ZNF385A: variants seen among roughly 807,000 people sequenced by gnomAD.
ZNF385A encodes zinc finger protein 385A.
ZNF385A carries 14 observed loss-of-function variants against 32.1 expected under a neutral mutation model. The ratio of observed to expected loss-of-function variants is 0.44; its 90% CI spans 0.29 to 0.68. The LOEUF (loss-of-function observed/expected upper bound fraction) is 0.68, where lower values mean the gene tolerates loss of function less well. Among genes scored for constraint, ZNF385A ranks in the 30% least tolerant of loss-of-function variants. The probability of loss-of-function intolerance (pLI) is 0.14; values close to 1 mark genes in which losing one functional copy is unlikely to be tolerated. For missense variants in ZNF385A, 406 were observed against 478.4 expected, an observed-to-expected ratio of 0.85 and a Z score of 1.41; for synonymous variants, 197 against 202.7, an observed-to-expected ratio of 0.97 and a Z score of 0.24.
chr12:54,389,002 G>T (rs1184062039), upstream of ZNF385A, among the ~76,000 whole-genome samples: 6 of 152,154 alleles, frequency 3.9e-5, no homozygotes, highest in African/African-American at 9.7e-5. Flanking sequence ...TGTGGGCGGG[G>T]ACTGGGCCTA....
chr12:54,382,128 C>T lies in ZNF385A; in HGVS notation c.87+2300G>A, dbSNP rs145786305. Among the ~76,000 whole-genome samples the T allele has an allele frequency of 9.8e-3, 1,473 of 150,112 alleles. 21 individuals carry two copies. The highest frequency in any genetic ancestry group is 0.034 in the African/African-American group (1,367 of 40,736). ...TGTTGCCCAGGCTGGAGTGCAGTGG[C>T]GCAATCTCGGCTCACTGCAACCTCT... On this transcript the variant is annotated intron_variant, in intron 1 of 6. Transcript: ENST00000394313.
upstream of ZNF385A, among the ~76,000 whole-genome samples, chr12:54,386,768 C>T (rs773674167): frequency 6.6e-5 from 10 of 152,294 alleles, no homozygotes; most frequent in Non-Finnish European, 1.5e-4. Context: ...CTCCTCAAAG[C>T]CATCTTAAGA....
chr12:54,375,806 C>A (rs1954818749), intron 2 of ZNF385A, 38 bp downstream of exon 2: 2 of 1,579,662 alleles, frequency 1.3e-6, no homozygotes, highest in Non-Finnish European at 1.7e-6. Flanking sequence ...GCTGCCCCTG[C>A]CCCACCCACT....
At position 54,370,163 on chromosome 12, in the gene ZNF385A, A is replaced by G; in HGVS notation, c.*93T>C. 1.1e-6 allele frequency: 1 copy of G among 872,382 alleles called. No homozygotes were observed. Among genetic ancestry groups the G allele is most frequent in the Non-Finnish European group, 1.7e-6 (1 of 605,108 alleles). 54.0% of individuals were successfully genotyped at this position (872,382 alleles called of 1,614,324 possible). A position where few individuals can be genotyped will look rare whatever the true frequency, so the allele number is the denominator to read the frequency against. ...GGGGGGGGGGAAGGAGAGATCATTTAGGGAGTGCCGGGAGGAGGGGCGGGC... is the reference window on the plus strand; with the variant it reads ...GGGGGGGGGGAAGGAGAGATCATTTGGGGAGTGCCGGGAGGAGGGGCGGGC... On this transcript the variant is annotated 3_prime_UTR_variant, in exon 7 of 7. Transcript: ENST00000394313. The surrounding 1 kb of genome is among the most constrained non-coding windows in gnomAD (Gnocchi z 5.5).
At chr12:54,387,401 A>G (rs2137312450), upstream of ZNF385A, among the ~76,000 whole-genome samples, 1 of 152,298 alleles carries the variant, frequency 6.6e-6, no homozygotes, top group Non-Finnish European at 1.5e-5. Context: ...CTCCATTCTG[A>G]GGTGGCGAGA....
intron 1 of ZNF385A, among the ~76,000 whole-genome samples, chr12:54,376,943 C>T (rs183109246): frequency 1.3e-5 from 2 of 152,296 alleles, no homozygotes; most frequent in East Asian, 1.9e-4. Context: ...TGGCTGGGCT[C>T]TCTCATAAGA....
chr12:54,377,102 CAAG>C (rs1221432128), intron 1 of ZNF385A, among the ~76,000 whole-genome samples: 4 of 152,164 alleles, frequency 2.6e-5, no homozygotes, highest in African/African-American at 9.7e-5. Context: ...GGTGAGAGAA[CAAG>C]AAGTGGGGGA....
At chr12:54,386,217 C>T (rs540269736), upstream of ZNF385A, among the ~76,000 whole-genome samples, 2,095 of 142,474 alleles carry the variant, frequency 0.015, 57 homozygotes, top group African/African-American at 0.053. Flanking sequence ...CACAGAGAGA[C>T]GGACAGATGA....
At chr12:54,375,153 C>A (rs1954774967) in intron 2 of ZNF385A, among the ~76,000 whole-genome samples, 1 of 152,036 alleles carries the variant, frequency 6.6e-6, no homozygotes, top group Admixed American at 6.6e-5. Context: ...CGAGGCTCTG[C>A]TGTTTTTCTC....
chr12:54,391,228 C>G lies in ZNF385A; in HGVS notation c.10+7G>C, dbSNP rs1055425574. 3.4e-6 allele frequency: 5 copies of G among 1,454,992 alleles called. No individual in the cohort carries two copies. In the African/African-American group the frequency reaches 7.4e-5, roughly 21 times the overall value. 90.1% of individuals were successfully genotyped at this position (1,454,992 alleles called of 1,614,324 possible). ...GCCGGGAGCCTGGAGTCGCAGAGAC[C>G]ACTCACCGAGGATCATGCTGGGGAC... On this transcript the variant is annotated splice_region_variant and intron_variant, in intron 1 of 7. Coordinates refer to the ZNF385A transcript ENST00000338010.
rs1955369507 is a variant in ZNF385A, at chr12:54,384,583, A to T, written c.-69T>A. 1 of 1,441,764 alleles carries T rather than the reference A, an allele frequency of 6.9e-7. No individual in the cohort carries two copies. The highest frequency in any genetic ancestry group is 2.7e-5 in the East Asian group (1 of 37,026). 89.3% of individuals were successfully genotyped at this position (1,441,764 alleles called of 1,614,324 possible). ...AGGCTGCCTGAAGGGCAGAGAAAACATTCTGTGGGGTAGGAAGATTAAAGC... is the reference window on the plus strand; with the variant it reads ...AGGCTGCCTGAAGGGCAGAGAAAACTTTCTGTGGGGTAGGAAGATTAAAGC... On this transcript the variant is annotated 5_prime_UTR_variant, in exon 1 of 7. It removes an upstream start codon present in the reference 5' UTR. Transcript: ENST00000394313.
chr12:54,372,758 G>C (rs1312059356), intron 3 of ZNF385A: 1 of 155,052 alleles, frequency 6.4e-6, no homozygotes, highest in African/African-American at 2.4e-5. Flanking sequence ...GCTTCCCGTG[G>C]CCGGGGACGG....
chr12:54,373,995 C>A lies in ZNF385A; in HGVS notation c.339G>T (p.Gly113=). 2 of 1,571,692 alleles carry A rather than the reference C, an allele frequency of 1.3e-6. No individual in the cohort carries two copies. Among genetic ancestry groups the A allele is most frequent in the Non-Finnish European group, 8.6e-7 (1 of 1,156,586 alleles). ...PAPPGSTPTN[G]DGVAPRPVSM... ...CACCTGGACGGGGTGCTACACCATC[C>A]CCATTTGTTGGGGTGCTGCCTGGGG... The change falls in exon 3 of 7, where the codon GGG becomes GGT. Residue 113 remains glycine, a synonymous_variant. Coordinates refer to ENST00000394313, the MANE Select transcript of ZNF385A (RefSeq NM_015481.3).
intron 1 of ZNF385A, chr12:54,378,993 G>A (rs1383699337): frequency 3.7e-5 from 34 of 920,636 alleles, no homozygotes; most frequent in Non-Finnish European, 4.2e-5. Flanking sequence ...CCGCAGGGGC[G>A]GGCGGGGACG....
At chr12:54,385,774 C>T (rs1955452822), upstream of ZNF385A, 2 of 538,966 alleles carry the variant, frequency 3.7e-6, no homozygotes, top group Non-Finnish European at 4.7e-6. Flanking sequence ...TGCCCTCTGC[C>T]CCCTCCCTTG....
intron 2 of ZNF385A, 108 bp downstream of exon 2, chr12:54,375,736 C>T: frequency 1.1e-6 from 1 of 923,558 alleles, no homozygotes; most frequent in Non-Finnish European, 1.7e-6. Flanking sequence ...CCCCTTAATC[C>T]CTGCCCCTCA....
chr12:54,371,387 G>C, intron 4 of ZNF385A, 86 bp downstream of exon 4: 2 of 1,527,936 alleles, frequency 1.3e-6, no homozygotes, highest in Non-Finnish European at 1.8e-6. Flanking sequence ...ATGGTCTAGG[G>C]ATGTTGGAAG....
chr12:54,370,764 G>A lies in ZNF385A; in HGVS notation c.775-43C>T. On this transcript the variant is annotated intron_variant, in intron 5 of 6. Coordinates refer to ENST00000394313, the MANE Select transcript of ZNF385A (RefSeq NM_015481.3). This position sits in a 1 kb window ranked among gnomAD's most constrained non-coding sequence, Gnocchi z 5.5. ...TAGGGGGCTGTGAGCTCCCGGAAAG[G>A]GGCAACAGCGAGGGAGTATAATCAA... is the stretch of plus-strand genomic sequence containing the variant. 10 of 1,577,222 alleles carry A rather than the reference G, an allele frequency of 6.3e-6. No homozygotes were observed. Among genetic ancestry groups the A allele is most frequent in the Non-Finnish European group, 8.6e-6 (10 of 1,164,360 alleles).
intron 2 of ZNF385A, among the ~76,000 whole-genome samples, chr12:54,374,571 T>A (rs1229607720): frequency 6.6e-6 from 1 of 152,206 alleles, no homozygotes; most frequent in East Asian, 1.9e-4. Context: ...ACCCTGAGGC[T>A]GGAAGTCCCA....
Sources: allele counts gnomAD v4.1 joint callset (sites outside exome capture counted in the v4.1 genomes callset), GRCh38; gene constraint gnomAD v4.1.1; non-coding constraint Gnocchi (gnomAD v3.1); transcripts MANE v1.5; gene names NCBI Gene and HGNC (gene_info 2026-07-23, HGNC 2026-07-21).